The following PIK3R3 variants were observed in gnomAD, a reference collection of about 807,000 sequenced individuals.
PIK3R3 encodes phosphoinositide-3-kinase regulatory subunit 3, also known as phosphatidylinositol 3-kinase regulatory subunit gamma.
In PIK3R3, 64 loss-of-function variants were observed where a neutral mutation model predicts 62.9. That is an observed-to-expected ratio of 1.02 (90% CI 0.83 to 1.25). The LOEUF (loss-of-function observed/expected upper bound fraction) is 1.25. Ranked by LOEUF, PIK3R3 falls within the 50% of genes most tolerant of loss-of-function variation. PIK3R3 has a pLI of 0.00. For synonymous variants in PIK3R3, 165 were observed against 189.0 expected, an observed-to-expected ratio of 0.87 and a Z score of 1.04; for missense variants, 614 against 561.6, an observed-to-expected ratio of 1.09 and a Z score of -0.94.
At position 46,087,655 on chromosome 1, in the gene PIK3R3, G is replaced by C. The variant is rs182084763; in HGVS notation, c.107-6905C>G. The stretch of plus-strand genomic sequence containing the variant: ...TCACTATATTGCCAAGGGTGGTCTC[G>C]AATTCCTGGGCTCAAATGATCTTCC... On this transcript the variant is annotated intron_variant, in intron 1 of 9. Transcript: ENST00000262741. 2.4e-4 allele frequency among the ~76,000 whole-genome samples: 31 copies of C among 130,590 alleles called. 1 individual carries two copies. Among genetic ancestry groups the C allele is most frequent in the Non-Finnish European group, 3.1e-5 (2 of 65,120 alleles). The allele number at this position is 130,590 out of a possible 152,430, so 85.7% of individuals were successfully genotyped here. A position where few individuals can be genotyped will look rare whatever the true frequency, so the allele number is the denominator to read the frequency against.
intron 2 of PIK3R3, among the ~76,000 whole-genome samples, chr1:46,078,873 CA>C (rs1410418203): frequency 2.0e-5 from 3 of 151,992 alleles, no homozygotes; most frequent in Non-Finnish European, 4.4e-5. Context: ...AAGCCAGTCA[CA>C]AAAGTACAAT....
chr1:46,116,227 T>C (rs1381171677), intron 1 of PIK3R3, among the ~76,000 whole-genome samples: 2 of 151,956 alleles, frequency 1.3e-5, no homozygotes, highest in African/African-American at 4.8e-5. Flanking sequence ...ATAATGAAAA[T>C]AGGCCAGGCA....
chr1:46,048,331 G>C (rs1283148854), intron 7 of PIK3R3: 1 of 152,190 alleles, frequency 6.6e-6, no homozygotes, highest in Non-Finnish European at 1.5e-5. Context: ...AGTTCTGTTA[G>C]ACAGATTTCA....
At chr1:46,063,281 A>G (rs1302997391) in intron 5 of PIK3R3, among the ~76,000 whole-genome samples, 1 of 152,234 alleles carries the variant, frequency 6.6e-6, no homozygotes, top group Admixed American at 6.5e-5. Context: ...AGGCATGTTC[A>G]AGGATTAGTA....
intron 1 of PIK3R3, among the ~76,000 whole-genome samples, chr1:46,113,588 G>C (rs1052860074): frequency 6.6e-6 from 1 of 152,032 alleles, no homozygotes; most frequent in Non-Finnish European, 1.5e-5. Context: ...CCATGCGCAG[G>C]CCACGTCCTA....
chr1:46,094,223 T>C (rs1241722663), intron 1 of PIK3R3, among the ~76,000 whole-genome samples: 1 of 152,138 alleles, frequency 6.6e-6, no homozygotes, highest in Non-Finnish European at 1.5e-5. Context: ...CTAGATATTA[T>C]AAAAGGTTCA....
chr1:46,097,690 C>G (rs562726740), intron 1 of PIK3R3, among the ~76,000 whole-genome samples: 116 of 151,914 alleles, frequency 7.6e-4, no homozygotes, highest in Admixed American at 2.2e-3. Flanking sequence ...GAGTTCAAGA[C>G]CAGCCTGGCC....
intron 1 of PIK3R3, among the ~76,000 whole-genome samples, chr1:46,108,679 T>C (rs535068374): frequency 1.2e-4 from 18 of 152,280 alleles, no homozygotes; most frequent in Admixed American, 3.9e-4. Context: ...GTCATACCCA[T>C]ATCCTTCATT....
chr1:46,161,563 G>GA, the PIK3R3 span, among the ~76,000 whole-genome samples: 1 of 152,104 alleles, frequency 6.6e-6, no homozygotes, highest in Non-Finnish European at 1.5e-5. Flanking sequence ...TTCACTTCCA[G>GA]AAAAAATTGT....
chr1:46,121,909 C>T (rs1172757118), intron 1 of PIK3R3, among the ~76,000 whole-genome samples: 1 of 151,820 alleles, frequency 6.6e-6, no homozygotes, highest in African/African-American at 2.4e-5. Flanking sequence ...GCAGGCTGGA[C>T]GTAGCCTACT....
Position 46,102,265 on chromosome 1 carries a change from G to A in PIK3R3, c.107-21515C>T, listed in dbSNP as rs1021343643. On this transcript the variant is annotated intron_variant, in intron 1 of 9. Transcript: ENST00000262741. ...CTCCCAAAGTGCTGGGATTACAGGC[G>A]TGAGCCACAGCGCCCGGCCTGAATT... Among the ~76,000 whole-genome samples the A allele has an allele frequency of 9.2e-5, 14 of 152,126 alleles. 1 individual carries two copies. The highest frequency in any genetic ancestry group is 8.3e-4 in the South Asian group (4 of 4,826).
rs530869485 is a variant in PIK3R3 at position 46,086,545 on chromosome 1, CA to C, written c.107-5796del. ...TGAAACCCTGTCTCTACTAAAAATACAAAAATTAGCTGAGAGTGGTGGCAAG... is the reference window on the plus strand; with the variant it reads ...TGAAACCCTGTCTCTACTAAAAATACAAAATTAGCTGAGAGTGGTGGCAAG... On this transcript the variant is annotated intron_variant, in intron 1 of 9. Transcript: ENST00000262741. Among the ~76,000 whole-genome samples, 3 of 151,946 alleles carry C rather than the reference CA, an allele frequency of 2.0e-5. No homozygotes were observed. The South Asian group carries it at 6.3e-4, about 32-fold the overall frequency.
At chr1:46,132,650 T>C, upstream of PIK3R3, 1 of 1,289,644 alleles carries the variant, frequency 7.8e-7, no homozygotes, top group Non-Finnish European at 1.0e-6. Context: ...CACTAGAGTT[T>C]CATTTTAACG....
chr1:46,053,470 G>A (rs1185554927), intron 7 of PIK3R3, among the ~76,000 whole-genome samples: 1 of 152,168 alleles, frequency 6.6e-6, no homozygotes, highest in Non-Finnish European at 1.5e-5. Flanking sequence ...GACGGTATTA[G>A]GAGGTGAGGA....
intron 1 of PIK3R3, among the ~76,000 whole-genome samples, chr1:46,113,461 AT>A (rs952986197): frequency 7.3e-5 from 11 of 151,492 alleles, no homozygotes; most frequent in African/African-American, 2.4e-4. Flanking sequence ...ACCCAGCCAG[AT>A]TTTTTTTAAA....
chr1:46,056,290 A>G (rs1647907643), intron 6 of PIK3R3: 2 of 199,388 alleles, frequency 1.0e-5, no homozygotes, highest in Non-Finnish European at 2.0e-5. Flanking sequence ...ACCTCAGGTG[A>G]TCTGCCTGCC....
chr1:46,147,347 C>T, the PIK3R3 span, among the ~76,000 whole-genome samples: 38 of 152,212 alleles, frequency 2.5e-4, no homozygotes, highest in African/African-American at 8.9e-4. Flanking sequence ...TCAAGTGATC[C>T]ACCTGCCTCA....
chr1:46,146,005 G>A, the PIK3R3 span, among the ~76,000 whole-genome samples: 1 of 152,236 alleles, frequency 6.6e-6, no homozygotes, highest in Non-Finnish European at 1.5e-5. Flanking sequence ...ATCCTATGAA[G>A]AGAGGTAGGC....
intron 1 of PIK3R3, among the ~76,000 whole-genome samples, chr1:46,096,487 C>T (rs1046241163): frequency 6.6e-6 from 1 of 152,198 alleles, no homozygotes; most frequent in South Asian, 2.1e-4. Flanking sequence ...CTGCTGGGTG[C>T]CACAAGTCAT....
Sources: allele counts gnomAD v4.1 joint callset (sites outside exome capture counted in the v4.1 genomes callset), GRCh38; gene constraint gnomAD v4.1.1; transcripts MANE v1.5; gene names NCBI Gene and HGNC (gene_info 2026-07-23, HGNC 2026-07-21).